The following SLC25A48 variants were observed in gnomAD, a reference collection of about 807,000 sequenced individuals.
SLC25A48 encodes solute carrier family 25 member 48.
SLC25A48 carries 29 observed loss-of-function variants against 32.2 expected under a neutral mutation model. The observed-to-expected ratio is 0.90, with a 90% CI of 0.67 to 1.23. The LOEUF is 1.23. Ranked by LOEUF, SLC25A48 falls within the 50% of genes most tolerant of loss-of-function variation. SLC25A48 has a pLI of 0.00. For synonymous variants in SLC25A48, 164 were observed against 172.3 expected, an observed-to-expected ratio of 0.95 and a Z score of 0.38; for missense variants, 399 against 422.7, an observed-to-expected ratio of 0.94 and a Z score of 0.49.
intron 3 of SLC25A48, among the ~76,000 whole-genome samples, chr5:135,718,781 GTAA>G (rs1754876926): frequency 6.6e-6 from 1 of 151,970 alleles, no homozygotes; most frequent in East Asian, 1.9e-4. Flanking sequence ...TTCCATTTAT[GTAA>G]TGTTTTTCAA....
chr5:135,838,135 C>T (rs1036259089), intron 1 of SLC25A48, among the ~76,000 whole-genome samples: 1 of 152,184 alleles, frequency 6.6e-6, no homozygotes, highest in Non-Finnish European at 1.5e-5. Context: ...ATAAAGGTGA[C>T]TCTTGCTATG....
chr5:135,596,708 A>G (rs573233245), intron 1 of SLC25A48, among the ~76,000 whole-genome samples: 3 of 152,174 alleles, frequency 2.0e-5, no homozygotes, highest in African/African-American at 7.2e-5. Flanking sequence ...GGACAAGGGG[A>G]ATTTTCTTAT....
At chr5:135,871,909 G>C (rs746151311) in intron 5 of SLC25A48, 191 bp downstream of exon 5, 5 of 1,475,436 alleles carry the variant, frequency 3.4e-6, no homozygotes, top group Non-Finnish European at 3.6e-6. Flanking sequence ...TCCCTATGCA[G>C]CTATGAGAAT....
intron 1 of SLC25A48, among the ~76,000 whole-genome samples, chr5:135,605,342 C>G (rs560708447): frequency 1.3e-5 from 2 of 152,174 alleles, no homozygotes; most frequent in African/African-American, 4.8e-5. Flanking sequence ...TGGGAGGTCT[C>G]GTCTGGAAAC....
chr5:135,640,892 A>C (rs1752819485), intron 3 of SLC25A48, among the ~76,000 whole-genome samples: 1 of 152,226 alleles, frequency 6.6e-6, no homozygotes, highest in South Asian at 2.1e-4. Context: ...CAAACATCAT[A>C]CTTAATCATT....
At chr5:135,669,556 A>G (rs1753605954) in intron 3 of SLC25A48, among the ~76,000 whole-genome samples, 1 of 152,136 alleles carries the variant, frequency 6.6e-6, no homozygotes, top group Non-Finnish European at 1.5e-5. Flanking sequence ...CACGGCTCAG[A>G]GTTATCCTAA....
intron 4 of SLC25A48, among the ~76,000 whole-genome samples, chr5:135,870,796 C>T (rs1446491212): frequency 6.6e-6 from 1 of 151,970 alleles, no homozygotes; most frequent in Non-Finnish European, 1.5e-5. Flanking sequence ...ATGACAAGCT[C>T]CCCCTCTTTT....
intron 3 of SLC25A48, among the ~76,000 whole-genome samples, chr5:135,760,115 G>T (rs1756025695): frequency 6.6e-6 from 1 of 152,110 alleles, no homozygotes; most frequent in Non-Finnish European, 1.5e-5. Flanking sequence ...ACAGCTGTGA[G>T]CCACCGCGCC....
chr5:135,687,436 A>C (rs1754042252), intron 3 of SLC25A48, among the ~76,000 whole-genome samples: 1 of 152,238 alleles, frequency 6.6e-6, no homozygotes, highest in Admixed American at 6.5e-5. Flanking sequence ...TTTCTGTGTA[A>C]CTGAGATTTC....
intron 3 of SLC25A48, among the ~76,000 whole-genome samples, chr5:135,646,678 T>TATATATATATATATATATATATAC (rs966073970): frequency 1.5e-4 from 21 of 136,762 alleles, no homozygotes; most frequent in African/African-American, 5.2e-4. Context: ...TATATATATA[T>TATATATATATATATATATATATAC]ACAATGGGAA....
At chr5:135,850,579 T>A in intron 3 of SLC25A48, 83 bp downstream of exon 3, 1 of 1,330,912 alleles carries the variant, frequency 7.5e-7, no homozygotes. Flanking sequence ...CACACCAGCA[T>A]GCAGGTGGGG....
intron 4 of SLC25A48, among the ~76,000 whole-genome samples, chr5:135,819,488 A>G (rs1215888310): frequency 5.9e-5 from 9 of 152,266 alleles, no homozygotes; most frequent in Non-Finnish European, 1.3e-4. Context: ...TTATGCTAAG[A>G]GAAATCATAC....
intron 1 of SLC25A48, among the ~76,000 whole-genome samples, chr5:135,602,403 G>T (rs1751819155): frequency 6.6e-6 from 1 of 152,166 alleles, no homozygotes; most frequent in Non-Finnish European, 1.5e-5. Context: ...TGCCTCCCCT[G>T]CCCTAGTCCC....
At chr5:135,883,215 C>T in intron 7 of SLC25A48, 2 of 985,460 alleles carry the variant, frequency 2.0e-6, no homozygotes, top group Non-Finnish European at 2.4e-6. Context: ...GCATTCTCAT[C>T]CCCACCCCGG....
chr5:135,836,233 G>A (rs938066273), intron 1 of SLC25A48, among the ~76,000 whole-genome samples: 2 of 152,140 alleles, frequency 1.3e-5, no homozygotes, highest in Admixed American at 1.3e-4. Context: ...GTGATAACAT[G>A]TGAACCCTCC....
At position 135,879,601 on chromosome 5, in the gene SLC25A48, A is replaced by AGTGTGT. The variant is rs1289206321; in HGVS notation, c.814-366_814-365insTGTGTG. On this transcript the variant is annotated intron_variant, in intron 6 of 7. Coordinates refer to ENST00000681962, the MANE Select transcript of SLC25A48 (RefSeq NM_001349336.2). ...TTCCCGAGGAGAGAGAGAGAGAGAG[A>AGTGTGT]GAGAGAGAGAGTGTGTGTGTGTGTG... Among the ~76,000 whole-genome samples, 40 of 134,040 alleles carry AGTGTGT rather than the reference A, an allele frequency of 3.0e-4. 1 individual carries two copies. In the East Asian group the frequency reaches 6.1e-3, roughly 20 times the overall value. 87.9% of individuals were successfully genotyped at this position (134,040 alleles called of 152,430 possible).
chr5:135,714,367 C>T (rs1227549101), intron 3 of SLC25A48, among the ~76,000 whole-genome samples: 1 of 152,214 alleles, frequency 6.6e-6, no homozygotes, highest in Non-Finnish European at 1.5e-5. Context: ...AAAAGACGTG[C>T]TCCAGATGTC....
intron 4 of SLC25A48, among the ~76,000 whole-genome samples, chr5:135,870,357 A>T (rs1162099062): frequency 6.6e-6 from 1 of 152,204 alleles, no homozygotes; most frequent in Non-Finnish European, 1.5e-5. Context: ...CATGAGTCAA[A>T]GCCTCATAGT....
chr5:135,580,611 T>G (rs1751210358), intron 1 of SLC25A48, among the ~76,000 whole-genome samples: 1 of 152,198 alleles, frequency 6.6e-6, no homozygotes, highest in Non-Finnish European at 1.5e-5. Flanking sequence ...TAGCTGGACA[T>G]TTGCATTTAT....
Sources: allele counts gnomAD v4.1 joint callset (sites outside exome capture counted in the v4.1 genomes callset), GRCh38; gene constraint gnomAD v4.1.1; transcripts MANE v1.5; gene names NCBI Gene and HGNC (gene_info 2026-07-23, HGNC 2026-07-21).